The following BMP6 variants were observed in gnomAD, a reference collection of about 807,000 sequenced individuals.
BMP6 encodes bone morphogenetic protein 6.
BMP6 carries 17 observed loss-of-function variants against 54.1 expected under a neutral mutation model. The observed-to-expected ratio is 0.31, with a 90% CI of 0.22 to 0.47. The LOEUF is 0.47. Ranked by LOEUF, BMP6 falls within the 20% of genes least tolerant of loss-of-function variation. BMP6 has a pLI of 1.00. For missense variants in BMP6, 720 were observed against 690.4 expected, an observed-to-expected ratio of 1.04 and a Z score of -0.48; for synonymous variants, 328 against 291.2, an observed-to-expected ratio of 1.13 and a Z score of -1.28.
rs925695336 is a variant in BMP6 at position 7,736,806 on chromosome 6, T to G, written c.664+9187T>G. ...ATCTCTCTTCACGTCAGTTACTCAT[T>G]GTAGTGGGGTATTACTGAATTCCAG... On this transcript the variant is annotated intron_variant, in intron 1 of 6. Coordinates refer to ENST00000283147, the MANE Select transcript of BMP6 (RefSeq NM_001718.6). 3.9e-5 allele frequency among the ~76,000 whole-genome samples: 6 copies of G among 152,318 alleles called. No homozygotes were observed. The East Asian group carries it at 1.2e-3, about 29-fold the overall frequency.
intron 1 of BMP6, among the ~76,000 whole-genome samples, chr6:7,783,325 A>G (rs553915497): frequency 1.3e-5 from 2 of 152,320 alleles, no homozygotes; most frequent in Non-Finnish European, 2.9e-5. Flanking sequence ...ATTAAATGAG[A>G]TAACATGTAA....
chr6:7,789,476 T>G (rs1758063829), intron 1 of BMP6, among the ~76,000 whole-genome samples: 1 of 152,160 alleles, frequency 6.6e-6, no homozygotes, highest in East Asian at 1.9e-4. Flanking sequence ...TTATAAAAGG[T>G]ATAACTGGGG....
intron 1 of BMP6, among the ~76,000 whole-genome samples, chr6:7,812,375 A>G (rs1175914254): frequency 6.6e-6 from 1 of 152,232 alleles, no homozygotes; most frequent in Non-Finnish European, 1.5e-5. Flanking sequence ...GAAATTTACA[A>G]GATTAAACTA....
intron 2 of BMP6, among the ~76,000 whole-genome samples, chr6:7,848,199 A>G (rs1011926513): frequency 5.3e-5 from 8 of 152,202 alleles, no homozygotes; most frequent in African/African-American, 1.9e-4. Flanking sequence ...GAAGGGGGTC[A>G]AGCTTTGCTA....
chr6:7,762,844 G>A (rs1163757017), intron 1 of BMP6, among the ~76,000 whole-genome samples: 1 of 152,212 alleles, frequency 6.6e-6, no homozygotes, highest in African/African-American at 2.4e-5. Context: ...TGTTGCTAGA[G>A]GGGATCTTAA....
intron 1 of BMP6, among the ~76,000 whole-genome samples, chr6:7,817,204 CAT>C (rs1758541878): frequency 6.6e-6 from 1 of 152,084 alleles, no homozygotes; most frequent in African/African-American, 2.4e-5. Context: ...AAAAAATAGG[CAT>C]ATGCTGTTCT....
At chr6:7,750,654 A>AT (rs1263617414) in intron 1 of BMP6, among the ~76,000 whole-genome samples, 1 of 152,070 alleles carries the variant, frequency 6.6e-6, no homozygotes, top group Non-Finnish European at 1.5e-5. Context: ...GGAACTTGAA[A>AT]TTTTTTTTAA....
intron 1 of BMP6, among the ~76,000 whole-genome samples, chr6:7,840,546 G>A (rs959065178): frequency 7.2e-5 from 11 of 152,114 alleles, no homozygotes; most frequent in African/African-American, 2.7e-4. Flanking sequence ...GTCTAGGACA[G>A]GTGAGAAATT....
intron 1 of BMP6, among the ~76,000 whole-genome samples, chr6:7,844,311 A>T (rs890553403): frequency 6.6e-6 from 1 of 151,440 alleles, no homozygotes; most frequent in Non-Finnish European, 1.5e-5. Context: ...ATTCCATATT[A>T]AAAAACCTTT....
chr6:7,827,318 C>G (rs1158310941), intron 1 of BMP6, among the ~76,000 whole-genome samples: 3 of 152,170 alleles, frequency 2.0e-5, no homozygotes, highest in Non-Finnish European at 4.4e-5. Flanking sequence ...AATCAAGTAA[C>G]TTTATACTGA....
intron 1 of BMP6, among the ~76,000 whole-genome samples, chr6:7,813,458 C>CA (rs58314970): frequency 0.029 from 1,896 of 64,322 alleles, 199 homozygotes; most frequent in African/African-American, 0.053. Flanking sequence ...CCTGTCTCTA[C>CA]AAAAAAAAAA....
intron 4 of BMP6, among the ~76,000 whole-genome samples, chr6:7,871,075 TTGTGTG>T (rs3031042): frequency 1.3e-5 from 2 of 151,422 alleles, no homozygotes; most frequent in Non-Finnish European, 3.0e-5. Context: ...ACAAATAGTT[TTGTGTG>T]TGTGTGTGTG....
intron 1 of BMP6, among the ~76,000 whole-genome samples, chr6:7,734,326 A>G (rs989744156): frequency 5.9e-5 from 9 of 152,338 alleles, no homozygotes; most frequent in African/African-American, 2.2e-4. Flanking sequence ...GTTTGTTCGC[A>G]GTTAAATTTG....
rs146762313 is a variant in BMP6, at chr6:7,867,124, G to A, written c.1204+4626G>A. 6.6e-3 allele frequency among the ~76,000 whole-genome samples: 1,009 copies of A among 152,088 alleles called. 12 individuals carry two copies. Among genetic ancestry groups the A allele is most frequent in the African/African-American group, 0.023 (954 of 41,480 alleles). Reference sequence around the variant, plus strand: ...TGACCTCAAGTGATCCACTTGCCTCGGCCTCCCAAAGTGTTGGGATTACAG... The same window carrying A: ...TGACCTCAAGTGATCCACTTGCCTCAGCCTCCCAAAGTGTTGGGATTACAG... On this transcript the variant is annotated intron_variant, in intron 4 of 6. Coordinates refer to ENST00000283147, the MANE Select transcript of BMP6 (RefSeq NM_001718.6).
rs538300606 is a variant in BMP6 at position 7,805,154 on chromosome 6, C to T, written c.665-39986C>T. Reference sequence around the variant, plus strand: ...CCTAGTCTACAGATTCTATTAGATCCAGTAGACAGTGACGTGAAGGATTAT... The same window carrying T: ...CCTAGTCTACAGATTCTATTAGATCTAGTAGACAGTGACGTGAAGGATTAT... On this transcript the variant is annotated intron_variant, in intron 1 of 6. Coordinates refer to ENST00000283147, the MANE Select transcript of BMP6 (RefSeq NM_001718.6). 5.3e-5 allele frequency among the ~76,000 whole-genome samples: 8 copies of T among 152,258 alleles called. No homozygotes were observed. The East Asian group carries it at 1.5e-3, about 29-fold the overall frequency.
At chr6:7,748,054 C>T (rs1319372257) in intron 1 of BMP6, among the ~76,000 whole-genome samples, 2 of 152,172 alleles carry the variant, frequency 1.3e-5, no homozygotes, top group Non-Finnish European at 2.9e-5. Context: ...TTATACAGGG[C>T]TTTGTTCCCT....
chr6:7,772,085 AC>A (rs1757798391), intron 1 of BMP6, among the ~76,000 whole-genome samples: 1 of 151,416 alleles, frequency 6.6e-6, no homozygotes, highest in Non-Finnish European at 1.5e-5. Context: ...AAAAAAACAA[AC>A]CCAAAAAAAC....
intron 4 of BMP6, among the ~76,000 whole-genome samples, chr6:7,873,745 AG>A (rs1167352975): frequency 6.6e-6 from 1 of 152,082 alleles, no homozygotes; most frequent in Non-Finnish European, 1.5e-5. Context: ...GGAAAATCCA[AG>A]GGTTGTCAAA....
chr6:7,766,194 T>G (rs1425890801), intron 1 of BMP6, among the ~76,000 whole-genome samples: 1 of 152,214 alleles, frequency 6.6e-6, no homozygotes, highest in East Asian at 1.9e-4. Context: ...AGTTTTTTTT[T>G]GTTTGTTTTT....
Sources: gnomAD v4.1 joint callset for allele counts (sites outside exome capture counted in the v4.1 genomes callset) on GRCh38, gnomAD v4.1.1 for gene constraint, MANE v1.5 for transcripts, NCBI Gene and HGNC (gene_info 2026-07-23, HGNC 2026-07-21) for gene names.